EXT1: variants seen among roughly 807,000 people sequenced by gnomAD.
The protein encoded by EXT1 is exostosin-1.
A neutral mutation model predicts 82.5 loss-of-function variants in EXT1; 20 were observed. That is an observed-to-expected ratio of 0.24 (90% CI 0.17 to 0.35). EXT1 has a LOEUF of 0.35. EXT1 is among the 10% of genes least tolerant of loss of function. EXT1 has a pLI of 1.00. For synonymous variants in EXT1, 348 were observed against 350.8 expected, an observed-to-expected ratio of 0.99 and a Z score of 0.09; for missense variants, 757 against 936.5, an observed-to-expected ratio of 0.81 and a Z score of 2.50.
chr8:117,938,298 C>A (rs1018371873), intron 1 of EXT1, among the ~76,000 whole-genome samples: 4 of 152,050 alleles, frequency 2.6e-5, no homozygotes, highest in East Asian at 3.8e-4. Flanking sequence ...TCTGTCTCCA[C>A]TAAAAATACA....
intron 1 of EXT1, among the ~76,000 whole-genome samples, chr8:117,874,574 T>TCAAAAAAAAAAAAAAAAAAAAAA (rs1812933223): frequency 2.4e-5 from 1 of 42,478 alleles, no homozygotes; most frequent in Non-Finnish European, 3.8e-5. Context: ...AGACTCTGCC[T>TCAAAAAAAAAAAAAAAAAAAAAA]CAAAAAAAAA....
At chr8:117,965,142 T>G (rs1814783887) in intron 1 of EXT1, among the ~76,000 whole-genome samples, 1 of 152,200 alleles carries the variant, frequency 6.6e-6, no homozygotes, top group South Asian at 2.1e-4. Context: ...TTTGTTTGTT[T>G]TTTTAAGTTA....
intron 1 of EXT1, among the ~76,000 whole-genome samples, chr8:117,848,834 T>A (rs1269799481): frequency 1.3e-5 from 2 of 152,218 alleles, no homozygotes; most frequent in Non-Finnish European, 2.9e-5. Context: ...TTCAATCGTA[T>A]CTTCCTGCAG....
At chr8:118,051,090 C>G (rs546105921) in intron 1 of EXT1, among the ~76,000 whole-genome samples, 5 of 152,276 alleles carry the variant, frequency 3.3e-5, no homozygotes, top group African/African-American at 1.2e-4. Context: ...AATCCCAGCA[C>G]TTTGGGAAGC....
At chr8:117,933,244 T>A (rs1334147548) in intron 1 of EXT1, among the ~76,000 whole-genome samples, 1 of 151,642 alleles carries the variant, frequency 6.6e-6, no homozygotes, top group Non-Finnish European at 1.5e-5. Context: ...GTATTTTTTT[T>A]TTTTTTTTTT....
intron 7 of EXT1, among the ~76,000 whole-genome samples, chr8:117,815,703 G>A (rs1006264841): frequency 3.9e-5 from 6 of 152,104 alleles, no homozygotes; most frequent in Admixed American, 2.0e-4. Context: ...AGGCCTAGGC[G>A]GTGGATCACC....
rs566785660 is a variant in EXT1 at position 118,016,365 on chromosome 8, C to G, written c.962+93720G>C. On this transcript the variant is annotated intron_variant, in intron 1 of 10. Coordinates refer to ENST00000378204, the MANE Select transcript of EXT1 (RefSeq NM_000127.3). ...CCAAGATCACGCCACCGTACTCCAG[C>G]CTGGGTGACTGAGAGAGACTCTGTC... is the stretch of plus-strand genomic sequence containing the variant. Among the ~76,000 whole-genome samples the G allele has an allele frequency of 1.3e-5, 2 of 152,188 alleles. 1 individual carries two copies. The highest frequency in any genetic ancestry group is 2.9e-5 in the Non-Finnish European group (2 of 68,028).
rs1811864830 is a variant in EXT1 at position 117,818,501 on chromosome 8, G to C, written c.1566C>G (p.Pro522=). 6.2e-7 allele frequency: 1 copy of C among 1,614,068 alleles called. No individual in the cohort carries two copies. Residue 522 remains proline (P), a synonymous_variant, in exon 7 of 11, where the codon CCC becomes CCG. Transcript: ENST00000378204. ...CAGGCCAGCGGTGTTTGGCTGGTAGGGGCTTGTCACAATTCCATAGAACTA... is the reference window on the plus strand; with the variant it reads ...CAGGCCAGCGGTGTTTGGCTGGTAGCGGCTTGTCACAATTCCATAGAACTA... ...QIIVLWNCDK[P]LPAKHRWPAT... is the part of the protein sequence containing the mutation.
intron 1 of EXT1, among the ~76,000 whole-genome samples, chr8:118,019,107 T>C (rs1015348556): frequency 6.6e-6 from 1 of 151,598 alleles, no homozygotes; most frequent in Non-Finnish European, 1.5e-5. Context: ...AAAAAAAACT[T>C]AAAGGAACAG....
At position 117,795,115 on chromosome 8, in the gene EXT1, A is replaced by G. The variant is rs952170880; in HGVS notation, c.*4597T>C. On this transcript the variant is annotated 3_prime_UTR_variant, in exon 11 of 11. Transcript: ENST00000378204. ...ACAAAACCAGAGTGACTGAAAGGCT[A>G]GCCTGACTTGATTTTAAACAAGGGT... 1 of 152,226 alleles carries G rather than the reference A, an allele frequency of 6.6e-6. No homozygotes were observed. Among genetic ancestry groups the G allele is most frequent in the African/African-American group, 2.4e-5 (1 of 41,452 alleles). The allele number at this position is 152,226 out of a possible 1,614,324, so 9.4% of individuals were successfully genotyped here.
chr8:117,952,957 A>G (rs908665087), intron 1 of EXT1, among the ~76,000 whole-genome samples: 1 of 152,228 alleles, frequency 6.6e-6, no homozygotes, highest in Non-Finnish European at 1.5e-5. Flanking sequence ...TTTGTAAATG[A>G]CTGAATAGTA....
intron 1 of EXT1, among the ~76,000 whole-genome samples, chr8:117,966,662 A>C (rs772220052): frequency 3.9e-5 from 6 of 152,212 alleles, no homozygotes; most frequent in Non-Finnish European, 8.8e-5. Flanking sequence ...TTAAATCTGA[A>C]ACATACCAAC....
At chr8:117,978,310 G>A (rs76818535) in intron 1 of EXT1, among the ~76,000 whole-genome samples, 22 of 152,264 alleles carry the variant, frequency 1.4e-4, no homozygotes, top group East Asian at 3.9e-4. Flanking sequence ...ACATTGTTAC[G>A]CTCATATTTT....
intron 1 of EXT1, among the ~76,000 whole-genome samples, chr8:117,860,645 C>T (rs1204371323): frequency 6.6e-6 from 1 of 152,106 alleles, no homozygotes; most frequent in Non-Finnish European, 1.5e-5. Flanking sequence ...TGGTTTAGTC[C>T]CTGTTGAATC....
At chr8:118,094,325 G>A (rs1430018877) in intron 1 of EXT1, among the ~76,000 whole-genome samples, 1 of 152,202 alleles carries the variant, frequency 6.6e-6, no homozygotes, top group African/African-American at 2.4e-5. Context: ...AGTTCCAACA[G>A]GTGGTTGGAA....
intron 5 of EXT1, among the ~76,000 whole-genome samples, chr8:117,822,227 TAACTC>T (rs1206214510): frequency 1.3e-5 from 2 of 152,192 alleles, no homozygotes; most frequent in Non-Finnish European, 2.9e-5. Context: ...CAAAAAGAAA[TAACTC>T]TACTAAATAT....
chr8:117,805,491 T>C (rs1423739630), intron 9 of EXT1, among the ~76,000 whole-genome samples: 3 of 152,218 alleles, frequency 2.0e-5, no homozygotes. Context: ...TAATTTGAAT[T>C]ATTTCTCATC....
intron 4 of EXT1, among the ~76,000 whole-genome samples, chr8:117,828,231 AT>A (rs1177866853): frequency 2.6e-5 from 4 of 152,182 alleles, no homozygotes; most frequent in African/African-American, 9.6e-5. Context: ...TTTATATTTT[AT>A]GCTTTAAGTG....
intron 1 of EXT1, among the ~76,000 whole-genome samples, chr8:118,093,900 T>C (rs1366854912): frequency 1.3e-5 from 2 of 152,324 alleles, no homozygotes; most frequent in East Asian, 3.9e-4. Context: ...GATAATGCCA[T>C]CCTCAAGAAG....
Sources: gnomAD v4.1 joint callset for allele counts (sites outside exome capture counted in the v4.1 genomes callset) on GRCh38, gnomAD v4.1.1 for gene constraint, MANE v1.5 for transcripts, NCBI Gene and HGNC (gene_info 2026-07-23, HGNC 2026-07-21) for gene names.